The following MYCBP2 variants were observed in gnomAD, a reference collection of about 807,000 sequenced individuals.
MYCBP2 encodes MYC binding protein 2.
In MYCBP2, 120 loss-of-function variants were observed where a neutral mutation model predicts 525.3. The observed-to-expected ratio is 0.23, with a 90% CI of 0.20 to 0.27. The LOEUF is 0.27. Among genes scored for constraint, MYCBP2 ranks in the 10% least tolerant of loss-of-function variants. The pLI is 1.00. For missense variants in MYCBP2, 4,149 were observed against 5,657.1 expected (o/e 0.73, Z 8.55); for synonymous variants, 1,894 against 1,955.8 (o/e 0.97, Z 0.83).
intron 3 of MYCBP2, among the ~76,000 whole-genome samples, chr13:77,287,005 C>T (rs1360479678): frequency 2.0e-5 from 3 of 147,944 alleles, no homozygotes; most frequent in African/African-American, 7.5e-5. Flanking sequence ...CTGCCTCAGC[C>T]TCCCGAGTAG....
chr13:77,272,201 A>G (rs544069264), intron 5 of MYCBP2: 1 of 152,350 alleles, frequency 6.6e-6, no homozygotes, highest in African/African-American at 2.4e-5. Flanking sequence ...CAGCTTTCAA[A>G]TATTTCACTC....
In MYCBP2 at chr13:77,069,657, C is replaced by G. The variant is rs1346778080; in HGVS notation, c.11905-826G>C. On this transcript the variant is annotated intron_variant, in intron 69 of 82. Coordinates refer to ENST00000544440, the MANE Select transcript of MYCBP2 (RefSeq NM_015057.5). The stretch of plus-strand genomic sequence containing the variant: ...GGATCACGAGGTCAGGAGATCGAGA[C>G]CATCCTGGCTAACACGGTGAAACCC... Among the ~76,000 whole-genome samples the G allele has an allele frequency of 2.1e-5, 3 of 144,480 alleles. No individual in the cohort carries two copies. In the East Asian group the frequency reaches 6.0e-4, roughly 29 times the overall value. 94.8% of individuals were successfully genotyped at this position (144,480 alleles called of 152,430 possible).
chr13:77,212,780 T>C (rs754711254), intron 21 of MYCBP2, among the ~76,000 whole-genome samples: 5 of 152,200 alleles, frequency 3.3e-5, no homozygotes, highest in African/African-American at 1.2e-4. Flanking sequence ...TGGCTCTCTA[T>C]AGGGACCTGG....
chr13:77,242,404 G>A (rs555587730), intron 17 of MYCBP2, among the ~76,000 whole-genome samples: 7 of 152,242 alleles, frequency 4.6e-5, no homozygotes, highest in African/African-American at 1.4e-4. Context: ...GTGAGCCACC[G>A]TGCCTGGCCA....
chr13:77,281,864 G>A (rs2076222590), intron 3 of MYCBP2, among the ~76,000 whole-genome samples: 1 of 151,986 alleles, frequency 6.6e-6, no homozygotes, highest in Non-Finnish European at 1.5e-5. Context: ...ATTGTATCTT[G>A]TTTAGTTAAA....
At chr13:77,086,931 C>A (rs1018838835) in intron 62 of MYCBP2, among the ~76,000 whole-genome samples, 1 of 151,920 alleles carries the variant, frequency 6.6e-6, no homozygotes, top group South Asian at 2.1e-4. Context: ...CTTACAATTT[C>A]TTCTCATATT....
rs1454658963 is a variant in MYCBP2 at position 77,058,365 on chromosome 13, G to A, written c.13182C>T (p.Gly4394=). ...KIACSKTHPC[G]HPCGGVKNEE... The stretch of plus-strand genomic sequence containing the variant: ...CGTTTTTAACACCCCCGCATGGATG[G>A]CCACAAGGATGCGTCTTACTACAGG... Residue 4394 remains glycine, a synonymous_variant, in exon 78 of 83, where the codon GGC becomes GGT. Coordinates refer to ENST00000544440, the MANE Select transcript of MYCBP2 (RefSeq NM_015057.5). The surrounding 1 kb of genome is among the most constrained non-coding windows in gnomAD (Gnocchi z 4.1). The A allele has an allele frequency of 1.2e-6, 2 of 1,613,524 alleles. No homozygotes were observed. The highest frequency in any genetic ancestry group is 2.2e-5 in the South Asian group (2 of 91,040).
chr13:77,291,168 T>C (rs1385036723), intron 2 of MYCBP2, among the ~76,000 whole-genome samples: 1 of 152,114 alleles, frequency 6.6e-6, no homozygotes, highest in African/African-American at 2.4e-5. Context: ...TTAGAATATA[T>C]GAGAAACTCT....
intron 28 of MYCBP2, among the ~76,000 whole-genome samples, chr13:77,190,923 AC>A (rs1254047465): frequency 6.6e-6 from 1 of 152,210 alleles, no homozygotes; most frequent in Non-Finnish European, 1.5e-5. Flanking sequence ...TATAACTTCA[AC>A]TGATTTCAAA....
In MYCBP2 at chr13:77,045,332, G is replaced by T; in HGVS notation, c.*46C>A. 7.3e-7 allele frequency: 1 copy of T among 1,375,922 alleles called. No individual in the cohort carries two copies. The highest frequency in any genetic ancestry group is 1.0e-6 in the Non-Finnish European group (1 of 967,240). The allele number at this position is 1,375,922 out of a possible 1,614,324, so 85.2% of individuals were successfully genotyped here. ...TTTAAACTTCACCGCATCCTCTTGG[G>T]GGATGAAGGCAATTTTTCTCTCTGT... On this transcript the variant is annotated 3_prime_UTR_variant, in exon 83 of 83. Coordinates refer to ENST00000544440, the MANE Select transcript of MYCBP2 (RefSeq NM_015057.5).
chr13:77,168,828 T>A (rs867717847), intron 39 of MYCBP2, among the ~76,000 whole-genome samples, 182 bp from the exon 40 acceptor site: 3 of 152,246 alleles, frequency 2.0e-5, no homozygotes, highest in Admixed American at 6.5e-5. Context: ...AGATGTTACA[T>A]GACAATATCT....
chr13:77,260,357 G>T lies in MYCBP2; in HGVS notation c.2017+71C>A, dbSNP rs973754417. ...GCATGCCACCAACATAAATTTTCTA[G>T]ATATGTCTTTGTCATACATAACTAG... On this transcript the variant is annotated intron_variant, in intron 13 of 82. Transcript: ENST00000544440. 8.9e-5 allele frequency: 94 copies of T among 1,058,498 alleles called. 1 individual carries two copies. The East Asian group carries it at 2.7e-3, about 30-fold the overall frequency. 65.6% of individuals were successfully genotyped at this position (1,058,498 alleles called of 1,614,324 possible).
Position 77,152,104 on chromosome 13 carries a change from T to C in MYCBP2, c.6916-1155A>G, listed in dbSNP as rs532233683. On this transcript the variant is annotated intron_variant, in intron 46 of 82. Coordinates refer to ENST00000544440, the MANE Select transcript of MYCBP2 (RefSeq NM_015057.5). ...GCTACCTCAGAACTACAGACTGTCT[T>C]TATGTTTATTGTTCTTAACAACGCG... Among the ~76,000 whole-genome samples, 5 of 152,334 alleles carry C rather than the reference T, an allele frequency of 3.3e-5. No homozygotes were observed. The South Asian group carries it at 8.3e-4, about 25-fold the overall frequency.
chr13:77,044,885 G>A lies in MYCBP2; in HGVS notation c.*493C>T, dbSNP rs912127924. On this transcript the variant is annotated 3_prime_UTR_variant, in exon 83 of 83. Transcript: ENST00000544440. ...AGTGTGATACTTATTACATTTATATGCTGTCCTAACACAATGTTTTTTTTT... is the reference window on the plus strand; with the variant it reads ...AGTGTGATACTTATTACATTTATATACTGTCCTAACACAATGTTTTTTTTT... 14 of 399,370 alleles carry A rather than the reference G, an allele frequency of 3.5e-5. No homozygotes were observed. The highest frequency in any genetic ancestry group is 2.9e-4 in the African/African-American group (14 of 48,346). 24.7% of individuals were successfully genotyped at this position (399,370 alleles called of 1,614,324 possible). A position where few individuals can be genotyped will look rare whatever the true frequency, so the allele number is the denominator to read the frequency against.
chr13:77,151,010 TA>T, intron 46 of MYCBP2, 61 bp from the exon 47 acceptor site: 15 of 1,335,896 alleles, frequency 1.1e-5, no homozygotes, highest in Non-Finnish European at 1.6e-5. Context: ...GACATCAAAA[TA>T]AGCAACTTAC....
Position 77,077,158 on chromosome 13 carries a change from A to G in MYCBP2, c.11714T>C (p.Ile3905Thr). The change falls in exon 67 of 83, where the codon ATT (isoleucine) becomes ACT (threonine). Residue 3905 changes from isoleucine to threonine, a missense_variant. Physicochemically the swap from Ile to Thr is moderately conservative, Grantham distance 89. This residue lies in a region of MYCBP2 where 509 missense variants were observed against 789.4 expected (regional missense o/e 0.64). Transcript: ENST00000544440. ...EAETLRVFRLITSQVFGKLIS... is the reference protein window; with the variant it reads ...EAETLRVFRLTTSQVFGKLIS... ...TGTAAGGACACTCACTTGAGACGTA[A>G]TCAGTCTGAATACTCGCAGAGTCTC... 1 of 1,613,664 alleles carries G rather than the reference A, an allele frequency of 6.2e-7. No individual in the cohort carries two copies. Among genetic ancestry groups the G allele is most frequent in the South Asian group, 1.1e-5 (1 of 91,072 alleles).
intron 27 of MYCBP2, among the ~76,000 whole-genome samples, chr13:77,193,389 C>T (rs1412568373): frequency 6.6e-6 from 1 of 152,094 alleles, no homozygotes; most frequent in African/African-American, 2.4e-5. Context: ...CAGTATCTTA[C>T]GATCATCCTT....
At chr13:77,099,189 A>G (rs1320939504) in intron 55 of MYCBP2, 176 bp from the exon 56 acceptor site, 8 of 838,758 alleles carry the variant, frequency 9.5e-6, no homozygotes, top group Non-Finnish European at 1.4e-5. Flanking sequence ...TAAAATTTCT[A>G]CACATCATTA....
chr13:77,151,895 C>T (rs1364541134), intron 46 of MYCBP2, among the ~76,000 whole-genome samples: 1 of 152,182 alleles, frequency 6.6e-6, no homozygotes, highest in Non-Finnish European at 1.5e-5. Context: ...CACAAATGTA[C>T]ACACAATTTG....
Sources: allele counts gnomAD v4.1 joint callset (sites outside exome capture counted in the v4.1 genomes callset), GRCh38; gene constraint gnomAD v4.1.1; regional missense constraint gnomAD v4.1.1; non-coding constraint Gnocchi (gnomAD v3.1); transcripts MANE v1.5; gene names NCBI Gene and HGNC (gene_info 2026-07-23, HGNC 2026-07-21).